The following RARB variants were observed in gnomAD, a reference collection of about 807,000 sequenced individuals.
The protein encoded by RARB is retinoic acid receptor beta.
Under a neutral mutation model 51.9 loss-of-function variants are expected in RARB, and 17 were observed. The ratio of observed to expected loss-of-function variants is 0.33; its 90% CI spans 0.22 to 0.49. The LOEUF is 0.49. Among genes scored for constraint, RARB ranks in the 20% least tolerant of loss-of-function variants. The pLI is 0.99. For synonymous variants in RARB, 215 were observed against 195.4 expected (o/e 1.10, Z -0.84); for missense variants, 369 against 550.8 (o/e 0.67, Z 3.30).
intron 5 of RARB, among the ~76,000 whole-genome samples, chr3:25,326,839 TA>T (rs1178117236): frequency 8.1e-5 from 12 of 148,204 alleles, no homozygotes; most frequent in Non-Finnish European, 4.5e-5. Context: ...TTTTTTTTTT[TA>T]ATTTTATTAT....
intron 5 of RARB, among the ~76,000 whole-genome samples, chr3:25,418,238 C>G (rs1423721069): frequency 2.0e-5 from 3 of 151,936 alleles, no homozygotes; most frequent in Non-Finnish European, 4.4e-5. Context: ...GGAGAAGGGT[C>G]CTGGAATTAA....
intron 2 of RARB, among the ~76,000 whole-genome samples, chr3:25,031,897 A>C (rs1697883766): frequency 6.6e-6 from 1 of 152,236 alleles, no homozygotes; most frequent in African/African-American, 2.4e-5. Context: ...TGACCTGAAT[A>C]GAATCCACAT....
chr3:25,125,204 A>G (rs1699842120), intron 3 of RARB, among the ~76,000 whole-genome samples: 1 of 152,244 alleles, frequency 6.6e-6, no homozygotes, highest in Non-Finnish European at 1.5e-5. Context: ...AGATTCAGAG[A>G]AAGACGAAGT....
At chr3:25,494,031 G>A (rs1696880652) in intron 2 of RARB, among the ~76,000 whole-genome samples, 1 of 152,164 alleles carries the variant, frequency 6.6e-6, no homozygotes, top group Non-Finnish European at 1.5e-5. Flanking sequence ...AGGCTCAGGG[G>A]ATTAGGTATT....
chr3:24,851,786 C>G (rs1299416036), intron 1 of RARB, among the ~76,000 whole-genome samples: 2 of 152,164 alleles, frequency 1.3e-5, no homozygotes, highest in Non-Finnish European at 2.9e-5. Context: ...TGAGTCAAAA[C>G]TACAGCTTTG....
chr3:25,570,950 A>T (rs1004200525), intron 4 of RARB, among the ~76,000 whole-genome samples: 2 of 152,050 alleles, frequency 1.3e-5, no homozygotes, highest in African/African-American at 4.8e-5. Context: ...GAAAGAAAAA[A>T]AAAAAACAGT....
At chr3:24,924,640 T>C (rs1163681144) in intron 2 of RARB, among the ~76,000 whole-genome samples, 1 of 152,216 alleles carries the variant, frequency 6.6e-6, no homozygotes, top group Admixed American at 6.5e-5. Flanking sequence ...AATTGTGTCA[T>C]ATGTAATACT....
chr3:25,284,788 A>G (rs1017995126), intron 5 of RARB, among the ~76,000 whole-genome samples: 6 of 152,222 alleles, frequency 3.9e-5, no homozygotes, highest in African/African-American at 1.4e-4. Context: ...TCAAGCAAAC[A>G]CAAATCAAAA....
At chr3:25,229,686 TCCC>T (rs1484024095) in intron 5 of RARB, among the ~76,000 whole-genome samples, 1 of 146,608 alleles carries the variant, frequency 6.8e-6, no homozygotes, top group Non-Finnish European at 1.5e-5. Context: ...AACAGACATC[TCCC>T]CACCCCCACC....
chr3:25,163,408 G>A (rs911702366), intron 4 of RARB, among the ~76,000 whole-genome samples: 27 of 151,460 alleles, frequency 1.8e-4, no homozygotes, highest in African/African-American at 5.8e-4. Context: ...AGGAGGCTGA[G>A]GCAGGAGGAT....
chr3:25,357,813 G>A (rs141297383), intron 5 of RARB, among the ~76,000 whole-genome samples: 5,373 of 152,244 alleles, frequency 0.035, 139 homozygotes, highest in Non-Finnish European at 0.049. Flanking sequence ...AGATCAGATG[G>A]TTGTAGATGT....
chr3:25,163,504 A>AAAAAATATATATATATATATATATAT (rs1303712411), intron 4 of RARB, among the ~76,000 whole-genome samples: 1 of 131,124 alleles, frequency 7.6e-6, no homozygotes, highest in African/African-American at 3.2e-5. Context: ...CCTATCTCAA[A>AAAAAATATATATATATATATATATAT]ATATATATAT....
intron 2 of RARB, among the ~76,000 whole-genome samples, chr3:24,931,675 C>T (rs149076876): frequency 4.6e-5 from 7 of 152,170 alleles, no homozygotes; most frequent in Non-Finnish European, 8.8e-5. Context: ...GACCTCACAA[C>T]GTGTCTTTGC....
At chr3:25,224,246 A>T (rs1702007282) in intron 5 of RARB, among the ~76,000 whole-genome samples, 1 of 152,220 alleles carries the variant, frequency 6.6e-6, no homozygotes, top group Non-Finnish European at 1.5e-5. Flanking sequence ...AACAAAAGAT[A>T]GATCTCTTAG....
At chr3:24,843,145 T>C (rs1702440485) in intron 1 of RARB, among the ~76,000 whole-genome samples, 1 of 152,146 alleles carries the variant, frequency 6.6e-6, no homozygotes, top group Non-Finnish European at 1.5e-5. Context: ...TAACCATGCT[T>C]TAAAAATTGG....
chr3:25,342,591 G>T (rs1255481712), intron 5 of RARB, among the ~76,000 whole-genome samples: 1 of 152,072 alleles, frequency 6.6e-6, no homozygotes, highest in African/African-American at 2.4e-5. Context: ...TTTTATTCCT[G>T]GTTGGACCCA....
At chr3:25,078,114 G>GT (rs1698913351) in intron 3 of RARB, among the ~76,000 whole-genome samples, 1 of 151,940 alleles carries the variant, frequency 6.6e-6, no homozygotes, top group Non-Finnish European at 1.5e-5. Flanking sequence ...TTTTGTTGAT[G>GT]TTTTTTGAGA....
chr3:24,986,656 G>C (rs1696799761), intron 2 of RARB, among the ~76,000 whole-genome samples: 1 of 152,158 alleles, frequency 6.6e-6, no homozygotes, highest in Admixed American at 6.6e-5. Context: ...TTAAACAAGA[G>C]AATAAAAACA....
intron 2 of RARB, among the ~76,000 whole-genome samples, chr3:25,493,136 C>A (rs1042013422): frequency 6.6e-6 from 1 of 152,004 alleles, no homozygotes; most frequent in Non-Finnish European, 1.5e-5. Context: ...ATGTTCTTTT[C>A]ATTACATTTA....
Sources: allele counts gnomAD v4.1 joint callset (sites outside exome capture counted in the v4.1 genomes callset), GRCh38; gene constraint gnomAD v4.1.1; transcripts MANE v1.5; gene names NCBI Gene and HGNC (gene_info 2026-07-23, HGNC 2026-07-21).